Variants in ZGRF1 observed in about 807,000 individuals in gnomAD.
The protein encoded by ZGRF1 is zinc finger GRF-type containing 1, also known as 5'-3' DNA helicase ZGRF1.
Under a neutral mutation model 203.5 loss-of-function variants are expected in ZGRF1, and 196 were observed. That is an observed-to-expected ratio of 0.96 (90% CI 0.86 to 1.08). The LOEUF is 1.08. ZGRF1 is among the 50% of genes least tolerant of loss of function. The pLI is 0.00. For synonymous variants in ZGRF1, 809 were observed against 841.3 expected, an observed-to-expected ratio of 0.96 and a Z score of 0.66; for missense variants, 2,326 against 2,416.3, an observed-to-expected ratio of 0.96 and a Z score of 0.78.
intron 24 of ZGRF1, among the ~76,000 whole-genome samples, chr4:112,545,296 C>G (rs1226988134): frequency 6.7e-6 from 1 of 149,214 alleles, no homozygotes; most frequent in Non-Finnish European, 1.5e-5. Context: ...TATAACTCAA[C>G]AACAAAAAAC....
intron 16 of ZGRF1, chr4:112,564,989 TG>T: frequency 2.3e-6 from 2 of 887,928 alleles, no homozygotes; most frequent in Middle Eastern, 2.1e-4. Flanking sequence ...CTCTGTACCA[TG>T]GCTCGTACAA....
At chr4:112,550,369 T>C (rs1739711866) in intron 22 of ZGRF1, among the ~76,000 whole-genome samples, 1 of 151,946 alleles carries the variant, frequency 6.6e-6, no homozygotes, top group African/African-American at 2.4e-5. Context: ...ATAAAAAAGC[T>C]TATGAAATAT....
Position 112,581,711 on chromosome 4 carries a change from G to A in ZGRF1, c.4390C>T (p.Leu1464Phe). ...TCCTTCCGACTTAGCTTAAGATAAA[G>A]TTTGGTTTTTGGTTCATTATAAAAC... ...PEFYNEPKTK[L>F]YLKLSRKERS... is the part of the protein sequence containing the mutation. Residue 1464 changes from leucine to phenylalanine, a missense_variant, in exon 16 of 28, where the codon CTT becomes TTT. By Grantham distance (22) the Leu-to-Phe change is conservative. Coordinates refer to ENST00000505019, the MANE Select transcript of ZGRF1 (RefSeq NM_018392.5). 6.3e-7 allele frequency: 1 copy of A among 1,583,562 alleles called. No individual in the cohort carries two copies. The highest frequency in any genetic ancestry group is 1.2e-5 in the South Asian group (1 of 84,392).
chr4:112,633,071 A>C (rs905031182), intron 2 of ZGRF1, 85 bp downstream of exon 2: 1 of 1,234,502 alleles, frequency 8.1e-7, no homozygotes, highest in African/African-American at 1.5e-5. Context: ...ATCTGGCAAC[A>C]CAGCAAGATG....
At chr4:112,612,711 A>G (rs1560857135) in intron 6 of ZGRF1, 123 bp from the exon 7 acceptor site, 5 of 597,392 alleles carry the variant, frequency 8.4e-6, no homozygotes, top group Non-Finnish European at 1.5e-5. Flanking sequence ...AATCTTGGTA[A>G]TTGTTCAATC....
At chr4:112,605,962 G>A in intron 9 of ZGRF1, 46 bp downstream of exon 9, 1 of 1,228,374 alleles carries the variant, frequency 8.1e-7, no homozygotes, top group East Asian at 2.3e-5. Flanking sequence ...AAACAGAAAA[G>A]AAAATGTAGT....
rs767140321 is a variant in ZGRF1, at chr4:112,619,544, C to G, written c.498G>C (p.Lys166Asn). 1 of 1,614,074 alleles carries G rather than the reference C, an allele frequency of 6.2e-7. No individual in the cohort carries two copies. Among genetic ancestry groups the G allele is most frequent in the Admixed American group, 1.7e-5 (1 of 60,006 alleles). The change falls in exon 6 of 28, where the codon AAG becomes AAC. Residue 166 changes from lysine (K) to asparagine (N), a missense_variant. Physicochemically the swap from Lys to Asn is moderately conservative, Grantham distance 94. Coordinates refer to ENST00000505019, the MANE Select transcript of ZGRF1 (RefSeq NM_018392.5). ...SMPPLFPTVG[K>N]KDVNNILADP... Reference sequence around the variant, plus strand: ...CTGCCAGTATATTATTTACATCTTTCTTGCCAACAGTAGGAAACAAAGGAG... The same window carrying G: ...CTGCCAGTATATTATTTACATCTTTGTTGCCAACAGTAGGAAACAAAGGAG...
intron 6 of ZGRF1, among the ~76,000 whole-genome samples, chr4:112,615,930 T>G (rs1482083966): frequency 6.6e-6 from 1 of 152,088 alleles, no homozygotes; most frequent in Non-Finnish European, 1.5e-5. Flanking sequence ...CCACTGTGCC[T>G]GGCTACTTAC....
chr4:112,568,528 T>C (rs1404835163), intron 16 of ZGRF1, among the ~76,000 whole-genome samples: 1 of 149,486 alleles, frequency 6.7e-6, no homozygotes. Flanking sequence ...CTGACCAACA[T>C]GGTGAAACCG....
chr4:112,635,724 G>A (rs940219508), intron 1 of ZGRF1, among the ~76,000 whole-genome samples: 11 of 150,998 alleles, frequency 7.3e-5, no homozygotes, highest in African/African-American at 1.7e-4. Context: ...GGAATTGGAC[G>A]AGATACTTTA....
chr4:112,541,951 A>C (rs1010439530), intron 24 of ZGRF1, among the ~76,000 whole-genome samples: 3 of 152,246 alleles, frequency 2.0e-5, no homozygotes, highest in Admixed American at 2.0e-4. Flanking sequence ...GCCATTTTTC[A>C]TTCTGAATCT....
At chr4:112,550,551 C>T (rs938569235) in intron 22 of ZGRF1, among the ~76,000 whole-genome samples, 3 of 151,922 alleles carry the variant, frequency 2.0e-5, no homozygotes, top group Admixed American at 6.6e-5. Flanking sequence ...AACTGTACAG[C>T]GTTTATAAAG....
rs1275571482 is a variant in ZGRF1 at position 112,612,449 on chromosome 4, C to T, written c.2667+75G>A. On this transcript the variant is annotated intron_variant, in intron 7 of 27. Transcript: ENST00000505019. ...ACCAAGATAGCTTGGGACTGTATTA[C>T]TATAATTCTATTACAAATTATAGAA... 4.3e-5 allele frequency: 42 copies of T among 987,950 alleles called. No homozygotes were observed. In the South Asian group the frequency reaches 4.5e-4, roughly 11 times the overall value. The allele number at this position is 987,950 out of a possible 1,614,324, so 61.2% of individuals were successfully genotyped here.
intron 3 of ZGRF1, among the ~76,000 whole-genome samples, chr4:112,624,665 G>A (rs1296753651): frequency 4.0e-5 from 6 of 151,188 alleles, no homozygotes; most frequent in African/African-American, 7.4e-5. Flanking sequence ...GAGGGGTAAG[G>A]GGGGAAAAAG....
intron 2 of ZGRF1, among the ~76,000 whole-genome samples, chr4:112,632,690 G>A (rs1472164507): frequency 2.0e-5 from 3 of 152,094 alleles, no homozygotes; most frequent in Non-Finnish European, 4.4e-5. Context: ...ATCAATAGAC[G>A]TAAGACCCTA....
chr4:112,562,857 T>C (rs893614415), intron 17 of ZGRF1, among the ~76,000 whole-genome samples: 11 of 152,214 alleles, frequency 7.2e-5, no homozygotes, highest in Admixed American at 4.6e-4. Context: ...TTAAACACTT[T>C]CTTGCATTTT....
intron 16 of ZGRF1, among the ~76,000 whole-genome samples, chr4:112,575,909 C>T (rs34632727): frequency 0.39 from 59,777 of 152,094 alleles, 12,004 homozygotes; most frequent in South Asian, 0.49. Context: ...ATGTCCCTGT[C>T]TGACAGCTTT....
intron 6 of ZGRF1, among the ~76,000 whole-genome samples, chr4:112,614,787 A>G (rs919739158): frequency 3.9e-5 from 6 of 152,074 alleles, no homozygotes; most frequent in Non-Finnish European, 7.4e-5. Flanking sequence ...AGATCGCGCC[A>G]CTGCACTCCA....
At position 112,623,837 on chromosome 4, in the gene ZGRF1, G is replaced by C. The variant is rs61745597; in HGVS notation, c.142C>G (p.Leu48Val). The C allele has an allele frequency of 6.3e-7, 1 of 1,581,848 alleles. No homozygotes were observed. The highest frequency in any genetic ancestry group is 1.4e-5 in the African/African-American group (1 of 73,970). ...YDDKGACLES[L>V]FLKCLEVKPG... The stretch of plus-strand genomic sequence containing the variant: ...AATACCTCAAGGCATTTAAGAAACA[G>C]ACTCTCCAAACATGCTCCTTTGTCA... The change falls in exon 4 of 28, where the codon CTG becomes GTG. Residue 48 changes from leucine to valine, a missense_variant. Physicochemically the swap from Leu to Val is conservative, Grantham distance 32. Coordinates refer to ENST00000505019, the MANE Select transcript of ZGRF1 (RefSeq NM_018392.5).
Sources: allele counts gnomAD v4.1 joint callset (sites outside exome capture counted in the v4.1 genomes callset), GRCh38; gene constraint gnomAD v4.1.1; transcripts MANE v1.5; gene names NCBI Gene and HGNC (gene_info 2026-07-23, HGNC 2026-07-21).